Variants in AMD1 observed in about 807,000 individuals in gnomAD.
AMD1 encodes adenosylmethionine decarboxylase 1, also known as S-adenosylmethionine decarboxylase proenzyme.
A neutral mutation model predicts 40.2 loss-of-function variants in AMD1; 11 were observed. The observed-to-expected ratio is 0.27, with a 90% CI of 0.17 to 0.45. AMD1 has a LOEUF of 0.45. Ranked by LOEUF, AMD1 falls within the 20% of genes least tolerant of loss-of-function variation. The pLI is 1.00. For synonymous variants in AMD1, 121 were observed against 130.8 expected, an observed-to-expected ratio of 0.93 and a Z score of 0.51; for missense variants, 257 against 410.2, an observed-to-expected ratio of 0.63 and a Z score of 3.23.
the AMD1 span, chr6:110,814,719 C>T: frequency 1.6e-6 from 1 of 609,640 alleles, no homozygotes; most frequent in Non-Finnish European, 3.1e-6. Flanking sequence ...CCACCGCGGT[C>T]CCAACTCGAG....
At chr6:110,814,696 A>G in the AMD1 span, 2 of 566,648 alleles carry the variant, frequency 3.5e-6, no homozygotes, top group Admixed American at 4.4e-5. Context: ...ACTAGACCCC[A>G]CAAACTCCTC....
chr6:110,854,401 G>A, the AMD1 span, among the ~76,000 whole-genome samples: 1 of 151,854 alleles, frequency 6.6e-6, no homozygotes, highest in Non-Finnish European at 1.5e-5. Context: ...TGCATGAAAA[G>A]GAAAACAAAT....
At chr6:110,855,427 T>C in the AMD1 span, among the ~76,000 whole-genome samples, 1 of 152,202 alleles carries the variant, frequency 6.6e-6, no homozygotes, top group African/African-American at 2.4e-5. Context: ...AATTATAGTT[T>C]GATACAATTA....
chr6:110,826,166 A>T, the AMD1 span, among the ~76,000 whole-genome samples: 133 of 66,928 alleles, frequency 2.0e-3, 1 homozygote, highest in Non-Finnish European at 2.6e-3. Flanking sequence ...CTGTCTCATT[A>T]AAAAAAAAAA....
the AMD1 span, among the ~76,000 whole-genome samples, chr6:110,819,889 C>T: frequency 2.6e-5 from 4 of 152,164 alleles, no homozygotes; most frequent in South Asian, 2.1e-4. Flanking sequence ...CCCCTGGTCT[C>T]CTTGTTGCCC....
At chr6:110,857,596 A>ATATATATATGGTATATATATATAGATGG in the AMD1 span, among the ~76,000 whole-genome samples, 3 of 120,852 alleles carry the variant, frequency 2.5e-5, no homozygotes, top group African/African-American at 1.2e-4. Context: ...TATAGATGGT[A>ATATATATATGGTATATATATATAGATGG]TATATATATA....
Position 110,892,695 on chromosome 6 carries a change from T to C in AMD1, c.616-40T>C, listed in dbSNP as rs564034661. Reference sequence around the variant, plus strand: ...ATTTTGGACTCAATTGAAGTTTATTTGTCAAACCCTTGTTAAACTCGGTCT... The same window carrying C: ...ATTTTGGACTCAATTGAAGTTTATTCGTCAAACCCTTGTTAAACTCGGTCT... On this transcript the variant is annotated intron_variant, in intron 6 of 8. Coordinates refer to ENST00000368885, the MANE Select transcript of AMD1 (RefSeq NM_001634.6). 34 of 1,592,284 alleles carry C rather than the reference T, an allele frequency of 2.1e-5. No individual in the cohort carries two copies. In the East Asian group the frequency reaches 7.2e-4, roughly 34 times the overall value.
intron 4 of AMD1, chr6:110,891,480 T>C (rs1410907759): frequency 2.0e-5 from 3 of 152,276 alleles, no homozygotes; most frequent in African/African-American, 7.2e-5. Context: ...CTTTCATCCA[T>C]TTACTAAGCT....
At chr6:110,886,222 CAAA>C (rs34012901) in intron 1 of AMD1, among the ~76,000 whole-genome samples, 113,549 of 139,160 alleles carry the variant, frequency 0.82, 45,801 homozygotes, top group Middle Eastern at 0.87. Flanking sequence ...GACTCAGTCT[CAAA>C]AAAAAAAAAA....
At chr6:110,883,631 G>C (rs909204464) in intron 1 of AMD1, among the ~76,000 whole-genome samples, 3 of 152,172 alleles carry the variant, frequency 2.0e-5, no homozygotes, top group East Asian at 3.8e-4. Flanking sequence ...TTGCTCTGTA[G>C]CCAGGGCTGG....
chr6:110,840,366 G>T, the AMD1 span, among the ~76,000 whole-genome samples: 1 of 152,060 alleles, frequency 6.6e-6, no homozygotes, highest in Non-Finnish European at 1.5e-5. Context: ...TCACAAACCA[G>T]TCCCAAGTCC....
the AMD1 span, among the ~76,000 whole-genome samples, chr6:110,843,217 C>T: frequency 5.3e-5 from 8 of 151,896 alleles, no homozygotes; most frequent in Admixed American, 6.6e-5. Context: ...AATCGCAGCA[C>T]TTTGGAAGGC....
At chr6:110,837,579 C>T in the AMD1 span, among the ~76,000 whole-genome samples, 1 of 149,658 alleles carries the variant, frequency 6.7e-6, no homozygotes, top group Admixed American at 6.7e-5. Flanking sequence ...AGTGTGATGG[C>T]AGGTGCCTGT....
upstream of AMD1, among the ~76,000 whole-genome samples, chr6:110,874,330 G>A (rs536348237): frequency 6.6e-6 from 1 of 152,262 alleles, no homozygotes; most frequent in African/African-American, 2.4e-5. Flanking sequence ...TTTTAAGAAT[G>A]GCCAAGTACC....
upstream of AMD1, among the ~76,000 whole-genome samples, chr6:110,874,098 C>T (rs991609445): frequency 6.6e-5 from 10 of 152,160 alleles, no homozygotes; most frequent in African/African-American, 2.4e-4. Context: ...TGGGTAAAGC[C>T]GGGGCCCTCC....
the AMD1 span, among the ~76,000 whole-genome samples, chr6:110,859,384 G>T: frequency 2.0e-5 from 3 of 151,966 alleles, no homozygotes; most frequent in Admixed American, 6.6e-5. Flanking sequence ...GTAGGGTAAA[G>T]GTCCCTGCTG....
the AMD1 span, among the ~76,000 whole-genome samples, chr6:110,862,861 T>C: frequency 6.6e-6 from 1 of 152,220 alleles, no homozygotes; most frequent in South Asian, 2.1e-4. Flanking sequence ...CATTACAAAC[T>C]GATTGCAGAC....
At chr6:110,885,465 C>G (rs928631324) in intron 1 of AMD1, among the ~76,000 whole-genome samples, 1 of 151,216 alleles carries the variant, frequency 6.6e-6, no homozygotes, top group Non-Finnish European at 1.5e-5. Flanking sequence ...GAGTCTCCCT[C>G]TGTTGCCCAG....
the AMD1 span, among the ~76,000 whole-genome samples, chr6:110,860,325 GAT>G: frequency 6.6e-6 from 1 of 151,812 alleles, no homozygotes. Flanking sequence ...AGAAGAAAAA[GAT>G]ATATATATAT....
Sources: allele counts gnomAD v4.1 joint callset (sites outside exome capture counted in the v4.1 genomes callset), GRCh38; gene constraint gnomAD v4.1.1; transcripts MANE v1.5; gene names NCBI Gene and HGNC (gene_info 2026-07-23, HGNC 2026-07-21).